The following ANK3 variants were observed in gnomAD, a reference collection of about 807,000 sequenced individuals.
ANK3 encodes ankyrin-3.
ANK3 carries 57 observed loss-of-function variants against 370.9 expected under a neutral mutation model. That is an observed-to-expected ratio of 0.15 (90% CI 0.12 to 0.19). The LOEUF (loss-of-function observed/expected upper bound fraction) is 0.19, where lower values mean the gene tolerates loss of function less well. ANK3 is among the 10% of genes least tolerant of loss of function. The pLI is 1.00. For missense variants in ANK3, 4,439 were observed against 5,302.1 expected (o/e 0.84, Z 5.06); for synonymous variants, 1,929 against 1,946.3 (o/e 0.99, Z 0.23).
intron 6 of ANK3, 28 bp from the exon 7 acceptor site, chr10:60,261,985 A>G (rs766066046): frequency 4.4e-6 from 7 of 1,583,666 alleles, no homozygotes; most frequent in East Asian, 4.5e-5. Flanking sequence ...CAGACATTCA[A>G]TTGATTCCTG....
chr10:60,165,474 C>T (rs2095601925), intron 23 of ANK3, among the ~76,000 whole-genome samples: 1 of 152,158 alleles, frequency 6.6e-6, no homozygotes, highest in Non-Finnish European at 1.5e-5. Context: ...AAACATTCAG[C>T]CAGATCCTCC....
At chr10:60,544,052 C>T (rs909192909) in intron 2 of ANK3, among the ~76,000 whole-genome samples, 34 of 152,094 alleles carry the variant, frequency 2.2e-4, no homozygotes, top group Non-Finnish European at 4.7e-4. Flanking sequence ...GCCTGGCTTG[C>T]TACAGTGCAA....
chr10:60,258,885 A>T (rs2097769834), intron 7 of ANK3, among the ~76,000 whole-genome samples: 1 of 152,160 alleles, frequency 6.6e-6, no homozygotes, highest in Non-Finnish European at 1.5e-5. Context: ...TTTTTAATCT[A>T]CTTCTAACCA....
intron 35 of ANK3, 152 bp downstream of exon 35, chr10:60,081,998 C>A: frequency 2.0e-6 from 1 of 491,158 alleles, no homozygotes; most frequent in South Asian, 4.3e-5. Flanking sequence ...AAGAGTGAAC[C>A]ATTTAAGAAA....
chr10:60,658,166 T>A (rs567648971), intron 1 of ANK3, among the ~76,000 whole-genome samples: 3 of 152,092 alleles, frequency 2.0e-5, no homozygotes, highest in Non-Finnish European at 2.9e-5. Context: ...TGCCTTTTCA[T>A]TGGAGTGTTA....
chr10:60,179,662 C>CA (rs1360705645), intron 18 of ANK3, among the ~76,000 whole-genome samples: 1 of 147,762 alleles, frequency 6.8e-6, no homozygotes, highest in Non-Finnish European at 1.5e-5. Context: ...GCTTGAGTGA[C>CA]AGAGTGAGAC....
chr10:60,650,383 AAAAAT>A (rs202228845), intron 1 of ANK3, among the ~76,000 whole-genome samples: 42,821 of 142,092 alleles, frequency 0.3, 5,247 homozygotes, highest in African/African-American at 0.33. Flanking sequence ...AAAAAAAAAA[AAAAAT>A]TTACAAGCTC....
At chr10:60,102,387 C>T (rs1230864452) in intron 28 of ANK3, among the ~76,000 whole-genome samples, 1 of 152,004 alleles carries the variant, frequency 6.6e-6, no homozygotes, top group Non-Finnish European at 1.5e-5. Flanking sequence ...TATATTAGCT[C>T]ATCTATTCCT....
At chr10:60,098,028 G>A (rs2090475331) in intron 28 of ANK3, among the ~76,000 whole-genome samples, 1 of 152,152 alleles carries the variant, frequency 6.6e-6, no homozygotes, top group Non-Finnish European at 1.5e-5. Flanking sequence ...GGTGCCCAGG[G>A]TTGAAATATA....
At chr10:60,222,983 C>A (rs946458821) in intron 8 of ANK3, among the ~76,000 whole-genome samples, 3 of 152,156 alleles carry the variant, frequency 2.0e-5, no homozygotes, top group Non-Finnish European at 4.4e-5. Context: ...TACCTGTGGG[C>A]ACACATGAAT....
rs1463586522 is a variant in ANK3, at chr10:60,072,225, G to C, written c.8656C>G (p.Pro2886Ala). 1 of 1,613,794 alleles carries C rather than the reference G, an allele frequency of 6.2e-7. No homozygotes were observed. Among genetic ancestry groups the C allele is most frequent in the African/African-American group, 1.3e-5 (1 of 74,838 alleles). The change falls in exon 37 of 44, where the codon CCT (proline) becomes GCT (alanine). Residue 2886 changes from proline to alanine, a missense_variant. This residue lies in a region of ANK3 where 1,601 missense variants were observed against 1,731.7 expected (regional missense o/e 0.92). Transcript: ENST00000280772. ...TTTTGATCAACACTTTTACTCTCAG[G>C]GTGACCAATGTGATTCTCTCTTACA... is the stretch of plus-strand genomic sequence containing the variant. ...HDVRENHIGH[P>A]ESKSVDQKNE... is the part of the protein sequence containing the mutation.
At chr10:60,183,781 C>A (rs979806196) in intron 17 of ANK3, among the ~76,000 whole-genome samples, 6 of 151,782 alleles carry the variant, frequency 4.0e-5, no homozygotes, top group African/African-American at 1.5e-4. Flanking sequence ...TCGCTTACAC[C>A]CTGGAGGCGG....
At chr10:60,547,555 A>G (rs906320427) in intron 2 of ANK3, among the ~76,000 whole-genome samples, 9 of 151,582 alleles carry the variant, frequency 5.9e-5, no homozygotes, top group African/African-American at 2.2e-4. Flanking sequence ...ATGCGCCACC[A>G]CGCCCTGCTA....
At chr10:60,201,548 A>T (rs1212071133) in intron 12 of ANK3, among the ~76,000 whole-genome samples, 1 of 152,212 alleles carries the variant, frequency 6.6e-6, no homozygotes, top group Non-Finnish European at 1.5e-5. Context: ...TACCACTCTG[A>T]TAGCTACTCT....
chr10:60,114,130 A>ATATATGAATACATTCATG, intron 26 of ANK3, 95 bp downstream of exon 26: 3 of 535,306 alleles, frequency 5.6e-6, no homozygotes, highest in Non-Finnish European at 9.9e-6. Flanking sequence ...ATGTATTCAT[A>ATATATGAATACATTCATG]TATATGAAGC....
At chr10:60,616,382 G>C (rs1208775602) in intron 1 of ANK3, among the ~76,000 whole-genome samples, 2 of 152,126 alleles carry the variant, frequency 1.3e-5, no homozygotes, top group Admixed American at 6.5e-5. Flanking sequence ...CCTACCATTA[G>C]AGGAAAGTTA....
At chr10:60,289,587 A>G (rs1255135552) in intron 1 of ANK3, among the ~76,000 whole-genome samples, 1 of 151,030 alleles carries the variant, frequency 6.6e-6, no homozygotes, top group Non-Finnish European at 1.5e-5. Flanking sequence ...TTTTGTAGAC[A>G]TGGGTTTCAG....
chr10:60,242,918 C>T (rs2097490900), intron 7 of ANK3, among the ~76,000 whole-genome samples: 1 of 152,144 alleles, frequency 6.6e-6, no homozygotes, highest in South Asian at 2.1e-4. Flanking sequence ...CCAAAGGTCA[C>T]AAAGCTCCCA....
chr10:60,272,731 G>C (rs2098017145), intron 4 of ANK3, among the ~76,000 whole-genome samples: 2 of 151,966 alleles, frequency 1.3e-5, no homozygotes, highest in Admixed American at 1.3e-4. Flanking sequence ...ATCTGCCTCA[G>C]CCTCCCAAAG....
Sources: gnomAD v4.1 joint callset for allele counts (sites outside exome capture counted in the v4.1 genomes callset) on GRCh38, gnomAD v4.1.1 for gene constraint, gnomAD v4.1.1 regional missense constraint, MANE v1.5 for transcripts, NCBI Gene and HGNC (gene_info 2026-07-23, HGNC 2026-07-21) for gene names.